Variants in ROBO2 observed in about 807,000 individuals in gnomAD.
The protein encoded by ROBO2 is roundabout homolog 2.
A neutral mutation model predicts 160.8 loss-of-function variants in ROBO2; 53 were observed. That is an observed-to-expected ratio of 0.33 (90% CI 0.26 to 0.41). The LOEUF is 0.41. Among genes scored for constraint, ROBO2 ranks in the 10% least tolerant of loss-of-function variants. The probability of loss-of-function intolerance (pLI) is 1.00; values close to 1 mark genes in which losing one functional copy is unlikely to be tolerated. For missense variants in ROBO2, 1,577 were observed against 1,722.4 expected, an observed-to-expected ratio of 0.92 and a Z score of 1.49; for synonymous variants, 664 against 611.7, an observed-to-expected ratio of 1.09 and a Z score of -1.26.
At chr3:76,400,791 A>G (rs1231263979) in intron 2 of ROBO2, among the ~76,000 whole-genome samples, 2 of 151,546 alleles carry the variant, frequency 1.3e-5, no homozygotes, top group East Asian at 3.9e-4. Flanking sequence ...TTAGAATTGA[A>G]GTGTTATTAA....
At chr3:76,364,528 C>A (rs1559827229) in intron 2 of ROBO2, among the ~76,000 whole-genome samples, 1 of 151,906 alleles carries the variant, frequency 6.6e-6, no homozygotes, top group Non-Finnish European at 1.5e-5. Flanking sequence ...TATGTAGAAT[C>A]CTTTCTTCAT....
At chr3:77,427,896 A>G (rs1187802022) in intron 2 of ROBO2, among the ~76,000 whole-genome samples, 1 of 152,190 alleles carries the variant, frequency 6.6e-6, no homozygotes, top group Non-Finnish European at 1.5e-5. Flanking sequence ...TTGATCCTTG[A>G]TATAAAAAGA....
At chr3:76,765,427 A>G (rs2061525299) in intron 2 of ROBO2, among the ~76,000 whole-genome samples, 1 of 151,596 alleles carries the variant, frequency 6.6e-6, no homozygotes, top group African/African-American at 2.4e-5. Flanking sequence ...TGATACTCCT[A>G]CTGTTGAGAT....
chr3:77,141,114 C>T (rs2076665741), intron 2 of ROBO2, among the ~76,000 whole-genome samples: 1 of 152,122 alleles, frequency 6.6e-6, no homozygotes, highest in Admixed American at 6.5e-5. Context: ...TGAAGTATTT[C>T]CTGAAATGAA....
intron 2 of ROBO2, among the ~76,000 whole-genome samples, chr3:76,689,719 C>T (rs2092760662): frequency 6.6e-6 from 1 of 152,144 alleles, no homozygotes; most frequent in Non-Finnish European, 1.5e-5. Context: ...GGAAAGCTTT[C>T]CAGTAGTTCT....
chr3:75,910,011 G>T (rs370423869), intron 1 of ROBO2, among the ~76,000 whole-genome samples: 51 of 152,304 alleles, frequency 3.3e-4, no homozygotes, highest in African/African-American at 1.1e-3. Context: ...GATCATTTTT[G>T]TTGGAGAACT....
At chr3:77,247,963 G>A (rs1274198355) in intron 2 of ROBO2, among the ~76,000 whole-genome samples, 1 of 152,156 alleles carries the variant, frequency 6.6e-6, no homozygotes, top group African/African-American at 2.4e-5. Flanking sequence ...TTGCATCCCT[G>A]TTTTCCTGCT....
chr3:77,198,540 A>G (rs2150993996), intron 2 of ROBO2, among the ~76,000 whole-genome samples: 1 of 152,324 alleles, frequency 6.6e-6, no homozygotes, highest in Middle Eastern at 3.4e-3. Flanking sequence ...ACACTTGAGG[A>G]CCAAAGGAAT....
chr3:77,083,451 T>C (rs2068899811), intron 1 of ROBO2, among the ~76,000 whole-genome samples: 1 of 152,230 alleles, frequency 6.6e-6, no homozygotes, highest in East Asian at 1.9e-4. Flanking sequence ...GCAACCTACT[T>C]TGTGTTTGTT....
At chr3:76,009,899 A>C (rs2066144405) in intron 2 of ROBO2, among the ~76,000 whole-genome samples, 1 of 152,228 alleles carries the variant, frequency 6.6e-6, no homozygotes, top group Admixed American at 6.5e-5. Context: ...ATTTGTTGAA[A>C]ATTGGTAAAC....
At chr3:76,446,549 T>C (rs903176642) in intron 2 of ROBO2, among the ~76,000 whole-genome samples, 1 of 152,058 alleles carries the variant, frequency 6.6e-6, no homozygotes, top group Non-Finnish European at 1.5e-5. Flanking sequence ...ACTTTAAAGT[T>C]CACGTGGAAC....
chr3:77,400,888 A>G (rs2075736441), intron 2 of ROBO2, among the ~76,000 whole-genome samples: 1 of 152,154 alleles, frequency 6.6e-6, no homozygotes, highest in African/African-American at 2.4e-5. Context: ...ATGTTTTTCT[A>G]CTACAAAATT....
chr3:77,461,709 A>G (rs1582147153), intron 2 of ROBO2, among the ~76,000 whole-genome samples: 2 of 150,830 alleles, frequency 1.3e-5, no homozygotes, highest in Admixed American at 6.6e-5. Context: ...TAAAGGAGGA[A>G]TCATTTATAA....
chr3:77,497,446 A>G (rs1308272771), intron 5 of ROBO2, among the ~76,000 whole-genome samples: 1 of 152,162 alleles, frequency 6.6e-6, no homozygotes, highest in Admixed American at 6.5e-5. Flanking sequence ...TGCCTACTAC[A>G]TTTGTAATGC....
intron 2 of ROBO2, among the ~76,000 whole-genome samples, chr3:76,077,965 A>G (rs1415799936): frequency 6.6e-6 from 1 of 152,222 alleles, no homozygotes; most frequent in Non-Finnish European, 1.5e-5. Context: ...CTCATTTCTT[A>G]GAATGAACCT....
intron 5 of ROBO2, among the ~76,000 whole-genome samples, chr3:77,518,122 G>A (rs1487187699): frequency 6.6e-6 from 1 of 151,280 alleles, no homozygotes; most frequent in Non-Finnish European, 1.5e-5. Flanking sequence ...AGTAACTTTG[G>A]GAAGAAAAGT....
At chr3:76,760,269 C>T (rs2061228583) in intron 2 of ROBO2, among the ~76,000 whole-genome samples, 1 of 151,770 alleles carries the variant, frequency 6.6e-6, no homozygotes, top group Admixed American at 6.6e-5. Flanking sequence ...TTAAAATAGA[C>T]TCTTTCCAAA....
chr3:76,736,283 A>AAAAATAAAATAAAATAAAAT (rs61262841), intron 2 of ROBO2, among the ~76,000 whole-genome samples: 32,865 of 119,184 alleles, frequency 0.28, 5,820 homozygotes, highest in Non-Finnish European at 0.33. Flanking sequence ...CTCCGTCTCA[A>AAAAATAAAATAAAATAAAAT]AAAATAAAAT....
intron 2 of ROBO2, among the ~76,000 whole-genome samples, chr3:77,351,847 A>G (rs922071434): frequency 1.4e-4 from 21 of 151,278 alleles, no homozygotes; most frequent in African/African-American, 5.1e-4. Context: ...TTGCGATAGG[A>G]CAAAAAACCA....
Sources: gnomAD v4.1 joint callset for allele counts (sites outside exome capture counted in the v4.1 genomes callset) on GRCh38, gnomAD v4.1.1 for gene constraint, MANE v1.5 for transcripts, NCBI Gene and HGNC (gene_info 2026-07-23, HGNC 2026-07-21) for gene names.